HERC4: variants seen among roughly 807,000 people sequenced by gnomAD.
The protein encoded by HERC4 is HECT and RLD domain containing E3 ubiquitin protein ligase 4.
A neutral mutation model predicts 124.3 loss-of-function variants in HERC4; 28 were observed. The observed-to-expected ratio is 0.23, with a 90% CI of 0.17 to 0.31. The LOEUF is 0.31. Among genes scored for constraint, HERC4 ranks in the 10% least tolerant of loss-of-function variants. The pLI, the probability that HERC4 is intolerant of heterozygous loss-of-function variation, is 1.00. For missense variants in HERC4, 713 were observed against 1,229.3 expected (o/e 0.58, Z 6.28); for synonymous variants, 407 against 421.5 (o/e 0.97, Z 0.42).
At chr10:68,013,638 G>GA (rs2038097858) in intron 9 of HERC4, among the ~76,000 whole-genome samples, 1 of 152,192 alleles carries the variant, frequency 6.6e-6, no homozygotes, top group Admixed American at 6.5e-5. Flanking sequence ...TCCTCAAGAT[G>GA]AAAAGAGTTC....
At chr10:67,949,731 A>T (rs976011229) in intron 19 of HERC4, among the ~76,000 whole-genome samples, 1 of 152,234 alleles carries the variant, frequency 6.6e-6, no homozygotes, top group Non-Finnish European at 1.5e-5. Flanking sequence ...TACTAATGTA[A>T]AAAAGCATCA....
At chr10:67,992,839 T>C (rs952803030) in intron 9 of HERC4, 157 bp from the exon 10 acceptor site, 3 of 561,428 alleles carry the variant, frequency 5.3e-6, no homozygotes, top group Non-Finnish European at 6.3e-6. Context: ...CTGACTGCTA[T>C]GGGGATGAGA....
intron 15 of HERC4, among the ~76,000 whole-genome samples, chr10:67,981,680 G>A (rs1022235756): frequency 1.3e-5 from 2 of 152,198 alleles, no homozygotes; most frequent in Non-Finnish European, 2.9e-5. Flanking sequence ...AAATAGGCCA[G>A]GCATGGTGGT....
intron 15 of HERC4, among the ~76,000 whole-genome samples, chr10:67,973,394 A>G (rs1165159577): frequency 6.6e-6 from 1 of 152,234 alleles, no homozygotes; most frequent in Non-Finnish European, 1.5e-5. Context: ...ATCCTCAGCC[A>G]AGGCTTAGGC....
At chr10:67,964,398 A>C (rs1420124068) in intron 16 of HERC4, among the ~76,000 whole-genome samples, 1 of 152,002 alleles carries the variant, frequency 6.6e-6, no homozygotes. Flanking sequence ...TCCTCACTTC[A>C]TATCCAATCC....
rs1223289623 is a variant in HERC4, at chr10:67,936,238, ATTAAT to A, written c.2572-8_2572-4del. ...GCACCAAAGTTTTCAACTGTGATCT[ATTAAT>A]TTAAATTTTTAAAAAAAGTCAATGT... On this transcript the variant is annotated splice_region_variant and splice_polypyrimidine_tract_variant and intron_variant, in intron 21 of 24. Coordinates refer to ENST00000373700, the MANE Select transcript of HERC4 (RefSeq NM_015601.4). 2.6e-5 allele frequency: 40 copies of A among 1,560,218 alleles called. No individual in the cohort carries two copies. The highest frequency in any genetic ancestry group is 3.4e-4 in the Middle Eastern group (2 of 5,866).
chr10:68,017,777 C>T (rs959261973), intron 8 of HERC4, among the ~76,000 whole-genome samples: 2 of 152,148 alleles, frequency 1.3e-5, no homozygotes, highest in Admixed American at 6.6e-5. Flanking sequence ...GCATGAGCCA[C>T]CACGCCCGGC....
At chr10:68,023,027 A>C (rs913840200) in intron 8 of HERC4, among the ~76,000 whole-genome samples, 1 of 152,126 alleles carries the variant, frequency 6.6e-6, no homozygotes, top group Non-Finnish European at 1.5e-5. Flanking sequence ...AGAAAAAGGC[A>C]AAATGAGAAA....
rs1408544440 is a variant in HERC4 at position 67,966,697 on chromosome 10, G to C, written c.1912C>G (p.Gln638Glu). The C allele has an allele frequency of 6.2e-7, 1 of 1,609,204 alleles. No homozygotes were observed. The highest frequency in any genetic ancestry group is 1.1e-5 in the South Asian group (1 of 89,566). The change falls in exon 16 of 25, where the codon CAG (glutamine) becomes GAG (glutamate). Residue 638 changes from glutamine (Q) to glutamate (E), a missense_variant. Gln to Glu is a conservative substitution (Grantham distance 29, BLOSUM62 2). Coordinates refer to ENST00000373700, the MANE Select transcript of HERC4 (RefSeq NM_015601.4). The stretch of plus-strand genomic sequence containing the variant: ...AGAAAACCTACCATTCCATAGGCCT[G>C]CTGTTGGACCCAGTTGATATAATCA... ...RNDYINWVQQ[Q>E]AYGMLADIPV... is the part of the protein sequence containing the mutation.
chr10:67,939,534 G>T, intron 21 of HERC4, 54 bp downstream of exon 21: 4 of 1,233,002 alleles, frequency 3.2e-6, no homozygotes, highest in Non-Finnish European at 4.7e-6. Flanking sequence ...AGACACGGCT[G>T]TTAAATAAAA....
rs375943409 is a variant in HERC4, at chr10:68,009,318, T to C, written c.1069+4708A>G. Among the ~76,000 whole-genome samples, 4 of 152,228 alleles carry C rather than the reference T, an allele frequency of 2.6e-5. No individual in the cohort carries two copies. The East Asian group carries it at 5.8e-4, about 22-fold the overall frequency. ...TCTTTTATAGAGATGAGAGTTAATG[T>C]GGCCCCAGCTGGTCCCAAACTCCTG... On this transcript the variant is annotated intron_variant, in intron 9 of 24. Transcript: ENST00000373700.
chr10:67,999,352 G>A (rs1199680680), intron 9 of HERC4, among the ~76,000 whole-genome samples: 1 of 152,182 alleles, frequency 6.6e-6, no homozygotes, highest in African/African-American at 2.4e-5. Flanking sequence ...TTTTAGGCCT[G>A]TGTAACCTAT....
rs888370615 is a variant in HERC4 at position 67,922,776 on chromosome 10, T to C, written c.*155A>G. 5.7e-6 allele frequency: 3 copies of C among 526,118 alleles called. No individual in the cohort carries two copies. The highest frequency in any genetic ancestry group is 1.0e-5 in the Non-Finnish European group (3 of 295,464). The allele number at this position is 526,118 out of a possible 1,614,324, so 32.6% of individuals were successfully genotyped here. A position where few individuals can be genotyped will look rare whatever the true frequency, so the allele number is the denominator to read the frequency against. On this transcript the variant is annotated 3_prime_UTR_variant, in exon 25 of 25. Coordinates refer to ENST00000373700, the MANE Select transcript of HERC4 (RefSeq NM_015601.4). ...TATTAACAGTTTGTTCATTTTCCTT[T>C]AATATTTTTTGGCTTCCATGAACAC...
At chr10:68,061,879 T>TAAAAAAAAA (rs71470503) in intron 3 of HERC4, among the ~76,000 whole-genome samples, 7 of 54,880 alleles carry the variant, frequency 1.3e-4, no homozygotes, top group African/African-American at 4.1e-4. Context: ...AGACTCCATT[T>TAAAAAAAAA]AAAAAAAAAA....
intron 3 of HERC4, chr10:68,070,149 TTAAAA>T: frequency 1.0e-6 from 1 of 984,896 alleles, no homozygotes; most frequent in Non-Finnish European, 1.2e-6. Flanking sequence ...CCAGAAGACT[TTAAAA>T]TAAATAAGAT....
At chr10:67,980,494 G>A (rs995203263) in intron 15 of HERC4, among the ~76,000 whole-genome samples, 1 of 152,030 alleles carries the variant, frequency 6.6e-6, no homozygotes, top group African/African-American at 2.4e-5. Flanking sequence ...CACTAGACCT[G>A]TGGAACAAGA....
At chr10:68,009,285 C>A (rs1401570900) in intron 9 of HERC4, among the ~76,000 whole-genome samples, 1 of 150,584 alleles carries the variant, frequency 6.6e-6, no homozygotes, top group Admixed American at 6.6e-5. Flanking sequence ...GTTGGTTTTT[C>A]TTTTTTTTCT....
At chr10:67,925,010 T>C (rs1220337378) in intron 24 of HERC4, 75 bp downstream of exon 24, 15 of 800,624 alleles carry the variant, frequency 1.9e-5, no homozygotes, top group Non-Finnish European at 3.0e-5. Flanking sequence ...ACTTGAAGAT[T>C]AAAACAGGGC....
At chr10:67,979,974 C>T (rs572628040) in intron 15 of HERC4, among the ~76,000 whole-genome samples, 2 of 151,544 alleles carry the variant, frequency 1.3e-5, no homozygotes, top group South Asian at 4.2e-4. Flanking sequence ...GAGAAAAAAA[C>T]AAATAACATA....
Sources: gnomAD v4.1 joint callset for allele counts (sites outside exome capture counted in the v4.1 genomes callset) on GRCh38, gnomAD v4.1.1 for gene constraint, MANE v1.5 for transcripts, NCBI Gene and HGNC (gene_info 2026-07-23, HGNC 2026-07-21) for gene names.